ACSM3: variants seen among roughly 807,000 people sequenced by gnomAD.
The protein encoded by ACSM3 is acyl-coenzyme A synthetase ACSM3, mitochondrial.
In ACSM3, 61 loss-of-function variants were observed where a neutral mutation model predicts 74.1. The ratio of observed to expected loss-of-function variants is 0.82; its 90% CI spans 0.67 to 1.02. The LOEUF (loss-of-function observed/expected upper bound fraction) is 1.02. Ranked by LOEUF, ACSM3 falls within the 50% of genes least tolerant of loss-of-function variation. ACSM3 has a pLI of 0.00. For missense variants in ACSM3, 660 were observed against 697.0 expected (o/e 0.95, Z 0.60); for synonymous variants, 213 against 241.5 (o/e 0.88, Z 1.09).
At chr16:20,704,740 C>G (rs1435578577) in intron 1 of ACSM3, among the ~76,000 whole-genome samples, 1 of 152,102 alleles carries the variant, frequency 6.6e-6, no homozygotes, top group African/African-American at 2.4e-5. Context: ...AGTTATAAAA[C>G]AGGATGACTT....
chr16:20,689,947 G>T (rs1012742191), intron 1 of ACSM3, among the ~76,000 whole-genome samples: 5 of 152,170 alleles, frequency 3.3e-5, no homozygotes, highest in African/African-American at 1.2e-4. Flanking sequence ...TAAATCCTTG[G>T]AACCTCAGTT....
chr16:20,741,444 C>G, intron 1 of ACSM3: 1 of 1,467,740 alleles, frequency 6.8e-7, no homozygotes, highest in Non-Finnish European at 9.0e-7. Flanking sequence ...GCAGCCATCC[C>G]TCCACCCTTC....
intron 1 of ACSM3, chr16:20,697,938 T>G (rs2079698583): frequency 6.6e-6 from 1 of 152,456 alleles, no homozygotes; most frequent in Non-Finnish European, 1.5e-5. Flanking sequence ...CTCGCGCCTG[T>G]AATCCCAGCA....
intron 1 of ACSM3, among the ~76,000 whole-genome samples, chr16:20,722,465 T>G (rs2079789211): frequency 6.6e-6 from 1 of 152,136 alleles, no homozygotes; most frequent in African/African-American, 2.4e-5. Context: ...CATTAGTATT[T>G]CTCTAGATTT....
chr16:20,738,006 A>G, intron 1 of ACSM3: 2 of 1,522,102 alleles, frequency 1.3e-6, no homozygotes, highest in Non-Finnish European at 1.8e-6. Context: ...CATCTTAAAG[A>G]TCGAACTCTA....
intron 1 of ACSM3, among the ~76,000 whole-genome samples, chr16:20,722,791 G>T (rs938963767): frequency 6.6e-5 from 10 of 152,172 alleles, no homozygotes; most frequent in Admixed American, 1.3e-4. Context: ...CTGTAGGTTT[G>T]TTACTGTAAG....
chr16:20,784,007 C>G (rs555065870), intron 7 of ACSM3, among the ~76,000 whole-genome samples: 155 of 152,106 alleles, frequency 1.0e-3, no homozygotes, highest in Non-Finnish European at 1.7e-3. Flanking sequence ...GGTTCTGCCA[C>G]GTTGGCCAGG....
At chr16:20,795,816 G>A (rs1425386204) in intron 12 of ACSM3, among the ~76,000 whole-genome samples, 2 of 152,230 alleles carry the variant, frequency 1.3e-5, no homozygotes, top group African/African-American at 4.8e-5. Flanking sequence ...GGCTATGAGG[G>A]ATGGCCTATC....
chr16:20,729,854 T>C (rs1596487094), intron 1 of ACSM3, among the ~76,000 whole-genome samples: 1 of 152,216 alleles, frequency 6.6e-6, no homozygotes, highest in East Asian at 1.9e-4. Context: ...CAAGGGTTCA[T>C]GTAAGGTTGG....
intron 1 of ACSM3, among the ~76,000 whole-genome samples, chr16:20,766,146 T>C (rs551279171): frequency 2.1e-4 from 32 of 152,322 alleles, no homozygotes; most frequent in African/African-American, 7.7e-4. Context: ...GAATCAGAAA[T>C]TGTTTCTAAT....
chr16:20,786,343 C>T (rs2080474997), intron 9 of ACSM3, 185 bp downstream of exon 9: 3 of 1,236,972 alleles, frequency 2.4e-6, no homozygotes, highest in Non-Finnish European at 3.2e-6. Context: ...CATTATTTTG[C>T]AAATACCCAT....
chr16:20,772,962 C>G (rs1481250912), intron 2 of ACSM3, among the ~76,000 whole-genome samples: 1 of 148,714 alleles, frequency 6.7e-6, no homozygotes, highest in African/African-American at 2.5e-5. Context: ...AGTGAGACTC[C>G]CTCTCAAAAA....
At chr16:20,715,035 G>A (rs529969341) in intron 1 of ACSM3, among the ~76,000 whole-genome samples, 5 of 152,152 alleles carry the variant, frequency 3.3e-5, no homozygotes, top group Non-Finnish European at 7.4e-5. Flanking sequence ...ATAGATGAAA[G>A]GTAAGTAGGT....
At chr16:20,779,435 A>AG (rs980893869) in intron 4 of ACSM3, among the ~76,000 whole-genome samples, 4 of 151,632 alleles carry the variant, frequency 2.6e-5, no homozygotes, top group Middle Eastern at 3.4e-3. Context: ...CAAAAAAAAA[A>AG]AAAAGAAAAG....
At chr16:20,753,923 A>G (rs1400315839) in intron 2 of ACSM3, among the ~76,000 whole-genome samples, 1 of 152,206 alleles carries the variant, frequency 6.6e-6, no homozygotes, top group Non-Finnish European at 1.5e-5. Flanking sequence ...AAGAAAAAAA[A>G]GACAGAGAAA....
Position 20,685,479 on chromosome 16 carries a change from T to C in ACSM3, c.-190+10657T>C, listed in dbSNP as rs940183499. On this transcript the variant is annotated intron_variant, in intron 1 of 3. Transcript: ENST00000561584. ...CACTTAGTAAACTAATCCACAGCCA[T>C]AGTCACGTTCCAATGTGAACACAGC... 5 of 1,351,222 alleles carry C rather than the reference T, an allele frequency of 3.7e-6. No homozygotes were observed. In the South Asian group the frequency reaches 4.7e-5, roughly 13 times the overall value. 83.7% of individuals were successfully genotyped at this position (1,351,222 alleles called of 1,614,324 possible). A position where few individuals can be genotyped will look rare whatever the true frequency, so the allele number is the denominator to read the frequency against.
chr16:20,682,415 A>T, intron 1 of ACSM3: 2 of 1,613,944 alleles, frequency 1.2e-6, no homozygotes, highest in South Asian at 1.1e-5. Flanking sequence ...TAGTCGATAG[A>T]GAATGTCTTT....
At chr16:20,739,922 G>C (rs1159694432) in intron 1 of ACSM3, among the ~76,000 whole-genome samples, 1 of 152,116 alleles carries the variant, frequency 6.6e-6, no homozygotes. Flanking sequence ...CTGACAGTTT[G>C]AGGCAGAGAG....
chr16:20,678,084 A>C (rs2079347903), intron 1 of ACSM3, among the ~76,000 whole-genome samples: 1 of 151,890 alleles, frequency 6.6e-6, no homozygotes, highest in South Asian at 2.1e-4. Flanking sequence ...CCTTCTAAAG[A>C]AGAAGCCTTA....
Sources: allele counts gnomAD v4.1 joint callset (sites outside exome capture counted in the v4.1 genomes callset), GRCh38; gene constraint gnomAD v4.1.1; transcripts MANE v1.5; gene names NCBI Gene and HGNC (gene_info 2026-07-23, HGNC 2026-07-21).